PCDHGA5: variants seen among roughly 807,000 people sequenced by gnomAD.
The protein encoded by PCDHGA5 is protocadherin gamma-A5.
Under a neutral mutation model 56.7 loss-of-function variants are expected in PCDHGA5, and 36 were observed. The ratio of observed to expected loss-of-function variants is 0.64; its 90% CI spans 0.49 to 0.84. The LOEUF (loss-of-function observed/expected upper bound fraction) is 0.84. Ranked by LOEUF, PCDHGA5 falls within the 40% of genes least tolerant of loss-of-function variation. The probability of loss-of-function intolerance (pLI) is 0.00; values close to 1 mark genes in which losing one functional copy is unlikely to be tolerated. For synonymous variants in PCDHGA5, 563 were observed against 520.2 expected (o/e 1.08, Z -1.12); for missense variants, 1,305 against 1,201.5 (o/e 1.09, Z -1.27).
chr5:141,434,506 T>C (rs2154556236), intron 1 of PCDHGA5, among the ~76,000 whole-genome samples: 2 of 152,344 alleles, frequency 1.3e-5, no homozygotes, highest in East Asian at 3.9e-4. Context: ...GGCAGAAAAC[T>C]GCTTAAAGGT....
chr5:141,489,288 G>A lies in PCDHGA5; in HGVS notation c.2422-5519G>A. 6.3e-7 allele frequency: 1 copy of A among 1,575,870 alleles called. No homozygotes were observed. Among genetic ancestry groups the A allele is most frequent in the Non-Finnish European group, 8.6e-7 (1 of 1,161,152 alleles). On this transcript the variant is annotated intron_variant, in intron 1 of 3. Coordinates refer to ENST00000518069, the MANE Select transcript of PCDHGA5 (RefSeq NM_018918.3). The surrounding 1 kb of genome is among the most constrained non-coding windows in gnomAD (Gnocchi z 4.5). ...AGCTCGCTGGGAAATGGCAAGTGCT[G>A]TGCATGTTGTCCTTGTGCTGCTGGG...
In PCDHGA5 at chr5:141,477,085, G is replaced by A. The variant is rs1420972762; in HGVS notation, c.2422-17722G>A. On this transcript the variant is annotated intron_variant, in intron 1 of 3. Coordinates refer to ENST00000518069, the MANE Select transcript of PCDHGA5 (RefSeq NM_018918.3). This position sits in a 1 kb window ranked among gnomAD's most constrained non-coding sequence, Gnocchi z 4.9. ...CCAAACTCCATGAGATTTACATCCAGGCCAAAGACAAGGGCGCCAATCCCG... is the reference window on the plus strand; with the variant it reads ...CCAAACTCCATGAGATTTACATCCAAGCCAAAGACAAGGGCGCCAATCCCG... 1 of 1,614,262 alleles carries A rather than the reference G, an allele frequency of 6.2e-7. No individual in the cohort carries two copies. The highest frequency in any genetic ancestry group is 1.7e-5 in the Admixed American group (1 of 60,034).
At chr5:141,405,232 C>T (rs779259588) in intron 1 of PCDHGA5, 8 of 1,613,990 alleles carry the variant, frequency 5.0e-6, no homozygotes, top group Middle Eastern at 1.6e-4. Flanking sequence ...TCTCCCTCAC[C>T]GCTGACTCAA....
chr5:141,439,556 C>A (rs543620281), intron 1 of PCDHGA5, among the ~76,000 whole-genome samples: 1 of 152,268 alleles, frequency 6.6e-6, no homozygotes, highest in East Asian at 1.9e-4. Context: ...CTTCAGGCTG[C>A]AGTTCTAGAG....
chr5:141,485,116 G>T lies in PCDHGA5; in HGVS notation c.2422-9691G>T, dbSNP rs904145668. ...TGTCTCCAGCTGCTGTGGCTGTTTGGGGCGGGTCGGCTTCATCCGCGTCTC... is the reference window on the plus strand; with the variant it reads ...TGTCTCCAGCTGCTGTGGCTGTTTGTGGCGGGTCGGCTTCATCCGCGTCTC... On this transcript the variant is annotated intron_variant, in intron 1 of 3. Coordinates refer to ENST00000518069, the MANE Select transcript of PCDHGA5 (RefSeq NM_018918.3). This position sits in a 1 kb window ranked among gnomAD's most constrained non-coding sequence, Gnocchi z 5.7. 3.0e-6 allele frequency: 4 copies of T among 1,312,058 alleles called. No homozygotes were observed. The African/African-American group carries it at 5.8e-5, about 19-fold the overall frequency. 81.3% of individuals were successfully genotyped at this position (1,312,058 alleles called of 1,614,324 possible).
At chr5:141,416,406 T>A (rs2096021956) in intron 1 of PCDHGA5, 1 of 152,224 alleles carries the variant, frequency 6.6e-6, no homozygotes, top group Admixed American at 6.5e-5. Context: ...TTGTCTTTTT[T>A]GTTAAATTTT....
intron 1 of PCDHGA5, chr5:141,384,992 C>A (rs536147893): frequency 6.2e-7 from 1 of 1,614,146 alleles, no homozygotes; most frequent in Admixed American, 1.7e-5. Context: ...GTGGCGGTGG[C>A]CACAGTCTCC....
chr5:141,404,932 C>A, intron 1 of PCDHGA5: 1 of 1,613,944 alleles, frequency 6.2e-7, no homozygotes, highest in Non-Finnish European at 8.5e-7. Flanking sequence ...CTGTCACGCT[C>A]ACAGTAGCCA....
intron 1 of PCDHGA5, chr5:141,405,577 T>C (rs1034475748): frequency 1.0e-5 from 6 of 597,580 alleles, no homozygotes; most frequent in Non-Finnish European, 1.8e-5. Context: ...GTAGAGTAGC[T>C]GGGACTACAG....
At chr5:141,419,793 C>T in intron 1 of PCDHGA5, 1 of 1,614,072 alleles carries the variant, frequency 6.2e-7, no homozygotes, top group East Asian at 2.2e-5. Flanking sequence ...CTGCTAGTCG[C>T]TGTAAGAGAT....
chr5:141,392,713 G>C, intron 1 of PCDHGA5: 1 of 1,363,444 alleles, frequency 7.3e-7, no homozygotes, highest in Non-Finnish European at 9.6e-7. Flanking sequence ...AGGCACTCCA[G>C]GTTTCCGGAG....
intron 1 of PCDHGA5, chr5:141,408,047 A>C (rs1038145479): frequency 2.4e-6 from 3 of 1,243,316 alleles, no homozygotes; most frequent in Non-Finnish European, 3.2e-6. Context: ...GCTCCCACAC[A>C]GAGCCTCCCG....
At chr5:141,413,177 T>G (rs2095610843) in intron 1 of PCDHGA5, 4 of 1,602,350 alleles carry the variant, frequency 2.5e-6, no homozygotes, top group Non-Finnish European at 3.4e-6. Flanking sequence ...CAGACTACAA[T>G]GGCCGCTCAA....
intron 1 of PCDHGA5, chr5:141,421,458 T>C (rs2096575080): frequency 6.2e-7 from 1 of 1,614,122 alleles, no homozygotes; most frequent in Non-Finnish European, 8.5e-7. Flanking sequence ...AGCTTTTCGC[T>C]GTGAATCCGC....
intron 1 of PCDHGA5, chr5:141,393,188 T>C: frequency 6.2e-7 from 1 of 1,613,358 alleles, no homozygotes; most frequent in South Asian, 1.1e-5. Context: ...AAATAATTGA[T>C]ATTAACGATA....
chr5:141,443,938 G>T (rs1330111540), intron 1 of PCDHGA5, among the ~76,000 whole-genome samples: 1 of 152,014 alleles, frequency 6.6e-6, no homozygotes, highest in Non-Finnish European at 1.5e-5. Context: ...CTCACAGCAG[G>T]TTTCCTTATT....
intron 1 of PCDHGA5, chr5:141,408,115 C>A (rs2095044760): frequency 9.6e-6 from 14 of 1,461,430 alleles, no homozygotes; most frequent in South Asian, 2.9e-5. Flanking sequence ...GGGACTCCTC[C>A]TGTCCTGGGC....
chr5:141,502,173 T>C (rs1377892969), intron 2 of PCDHGA5, among the ~76,000 whole-genome samples: 2 of 152,178 alleles, frequency 1.3e-5, no homozygotes, highest in African/African-American at 4.8e-5. Flanking sequence ...AGTTGAGGAA[T>C]TTAACATTAA....
chr5:141,388,056 G>A lies in PCDHGA5; in HGVS notation c.2421+21305G>A, dbSNP rs1192724751. 2.2e-6 allele frequency: 3 copies of A among 1,386,286 alleles called. No individual in the cohort carries two copies. In the Admixed American group the frequency reaches 6.2e-5, roughly 29 times the overall value. 85.9% of individuals were successfully genotyped at this position (1,386,286 alleles called of 1,614,324 possible). A position where few individuals can be genotyped will look rare whatever the true frequency, so the allele number is the denominator to read the frequency against. On this transcript the variant is annotated intron_variant, in intron 1 of 3. Coordinates refer to ENST00000518069, the MANE Select transcript of PCDHGA5 (RefSeq NM_018918.3). ...CCTCGCCACGGACCTGGGGTTCAGC[G>A]TCCAGGAGTTACCGACTCGAAAACT...
Sources: gnomAD v4.1 joint callset for allele counts (sites outside exome capture counted in the v4.1 genomes callset) on GRCh38, gnomAD v4.1.1 for gene constraint, Gnocchi (gnomAD v3.1) non-coding constraint, MANE v1.5 for transcripts, NCBI Gene and HGNC (gene_info 2026-07-23, HGNC 2026-07-21) for gene names.